The following TAFA2 variants were observed in gnomAD, a reference collection of about 807,000 sequenced individuals.
TAFA2 encodes chemokine-like protein TAFA-2.
Under a neutral mutation model 18.8 loss-of-function variants are expected in TAFA2, and 7 were observed. The observed-to-expected ratio is 0.37, with a 90% CI of 0.21 to 0.70. The LOEUF (loss-of-function observed/expected upper bound fraction) is 0.70, where lower values mean the gene tolerates loss of function less well. TAFA2 is among the 30% of genes least tolerant of loss of function. The pLI is 0.53. For missense variants in TAFA2, 122 were observed against 158.1 expected, an observed-to-expected ratio of 0.77 and a Z score of 1.23; for synonymous variants, 60 against 54.2, an observed-to-expected ratio of 1.11 and a Z score of -0.47.
intron 1 of TAFA2, among the ~76,000 whole-genome samples, chr12:61,910,999 G>A (rs923044801): frequency 6.6e-5 from 10 of 152,250 alleles, no homozygotes; most frequent in South Asian, 2.1e-4. Flanking sequence ...TTGCCTGCTC[G>A]TTCCCTGCAT....
intron 2 of TAFA2, among the ~76,000 whole-genome samples, chr12:61,762,036 G>A (rs939451538): frequency 1.3e-5 from 2 of 151,950 alleles, no homozygotes; most frequent in Admixed American, 6.6e-5. Flanking sequence ...CTCCCCCTTT[G>A]CCTACTACCA....
intron 2 of TAFA2, among the ~76,000 whole-genome samples, chr12:61,759,031 C>T (rs1436128576): frequency 1.3e-5 from 2 of 151,992 alleles, no homozygotes; most frequent in Non-Finnish European, 2.9e-5. Flanking sequence ...TGAGTTTCCC[C>T]TGATCTCTCC....
chr12:62,248,553 T>C (rs1308860863), intron 1 of TAFA2, among the ~76,000 whole-genome samples: 2 of 152,148 alleles, frequency 1.3e-5, no homozygotes, highest in Non-Finnish European at 2.9e-5. Context: ...GCAAGAACAC[T>C]TAACATGAGA....
At chr12:61,845,507 C>A (rs776048678) in intron 2 of TAFA2, among the ~76,000 whole-genome samples, 2 of 152,138 alleles carry the variant, frequency 1.3e-5, no homozygotes, top group Admixed American at 1.3e-4. Flanking sequence ...GCATCATGGA[C>A]GATTGTGGCT....
intron 1 of TAFA2, among the ~76,000 whole-genome samples, chr12:61,973,762 G>A (rs1033087697): frequency 2.0e-4 from 30 of 151,626 alleles, no homozygotes; most frequent in African/African-American, 6.8e-4. Flanking sequence ...AGAACCACCT[G>A]GGAAATTCTG....
At chr12:62,134,534 G>T (rs1870819176) in intron 1 of TAFA2, among the ~76,000 whole-genome samples, 1 of 152,000 alleles carries the variant, frequency 6.6e-6, no homozygotes, top group Non-Finnish European at 1.5e-5. Flanking sequence ...AAGAAAAAAT[G>T]GTTGTTTAAG....
chr12:61,880,787 C>A, intron 1 of TAFA2: 1 of 349,758 alleles, frequency 2.9e-6, no homozygotes, highest in South Asian at 2.7e-5. Flanking sequence ...CCATGGCAGC[C>A]CCTCCCACCC....
intron 1 of TAFA2, among the ~76,000 whole-genome samples, chr12:62,117,372 C>A (rs984092734): frequency 2.0e-5 from 3 of 151,932 alleles, no homozygotes; most frequent in Non-Finnish European, 4.4e-5. Flanking sequence ...TTTTGCTATT[C>A]TAGAATGCTT....
At chr12:61,877,882 T>C (rs2121260629) in intron 1 of TAFA2, among the ~76,000 whole-genome samples, 1 of 150,068 alleles carries the variant, frequency 6.7e-6, no homozygotes, top group East Asian at 2.0e-4. Flanking sequence ...ATAGGGTGAA[T>C]GGATAAACAA....
intron 1 of TAFA2, among the ~76,000 whole-genome samples, chr12:61,924,284 T>C: frequency 6.6e-6 from 1 of 152,020 alleles, no homozygotes; most frequent in South Asian, 2.1e-4. Context: ...AGACACGTAA[T>C]CGTCAGATTC....
intron 1 of TAFA2, among the ~76,000 whole-genome samples, chr12:62,033,684 T>TTA (rs144821417): frequency 6.4e-4 from 97 of 151,232 alleles, no homozygotes; most frequent in African/African-American, 1.9e-3. Flanking sequence ...CATAAACATG[T>TTA]TATATATATA....
chr12:61,950,767 C>G (rs1878438003), intron 1 of TAFA2, among the ~76,000 whole-genome samples: 1 of 152,052 alleles, frequency 6.6e-6, no homozygotes, highest in African/African-American at 2.4e-5. Flanking sequence ...AAGTCTAAGT[C>G]TGTTTCTTCT....
chr12:61,878,077 C>A (rs771625539), intron 1 of TAFA2: 1 of 455,392 alleles, frequency 2.2e-6, no homozygotes, highest in Non-Finnish European at 4.4e-6. Flanking sequence ...GTCCTACTTA[C>A]ATGAGAGATA....
At position 61,813,481 on chromosome 12, in the gene TAFA2, T is replaced by C. The variant is rs371221975; in HGVS notation, c.106+53839A>G. 3.3e-5 allele frequency among the ~76,000 whole-genome samples: 5 copies of C among 151,462 alleles called. No individual in the cohort carries two copies. In the East Asian group the frequency reaches 9.6e-4, roughly 29 times the overall value. On this transcript the variant is annotated intron_variant, in intron 2 of 4. Transcript: ENST00000416284. The stretch of plus-strand genomic sequence containing the variant: ...TCTGTCATACAAGATCTCTCAATAT[T>C]CAGATAAGCAAATCTACCAATTCTC...
At chr12:61,845,901 T>C (rs1873384852) in intron 2 of TAFA2, among the ~76,000 whole-genome samples, 1 of 152,120 alleles carries the variant, frequency 6.6e-6, no homozygotes. Context: ...AATATAAAAA[T>C]GGTTTCCTAA....
chr12:61,988,649 C>T (rs1879896560), intron 1 of TAFA2, among the ~76,000 whole-genome samples: 1 of 152,136 alleles, frequency 6.6e-6, no homozygotes, highest in Non-Finnish European at 1.5e-5. Context: ...ATCAAAGGGA[C>T]ATATAATTAA....
chr12:62,191,129 C>T (rs1445199302), intron 1 of TAFA2, 130 bp downstream of exon 1: 1 of 151,838 alleles, frequency 6.6e-6, no homozygotes, highest in East Asian at 2.0e-4. Context: ...GGCGATCCCT[C>T]TACAGTCCCG....
At chr12:61,738,211 G>C (rs1340753796) in intron 4 of TAFA2, among the ~76,000 whole-genome samples, 1 of 151,184 alleles carries the variant, frequency 6.6e-6, no homozygotes, top group African/African-American at 2.4e-5. Flanking sequence ...AGTCTTTCCT[G>C]CTGCAACAAC....
At position 62,213,136 on chromosome 12, in the gene TAFA2, T is replaced by G. The variant is rs190652372; in HGVS notation, c.-130+45627A>C. Among the ~76,000 whole-genome samples the G allele has an allele frequency of 1.1e-3, 162 of 152,290 alleles. 1 individual carries two copies. Among genetic ancestry groups the G allele is most frequent in the Non-Finnish European group, 1.6e-3 (111 of 68,034 alleles). On this transcript the variant is annotated intron_variant, in intron 1 of 5. Transcript: ENST00000551619. ...TGGATTTACACCAGGCAGCTGCTCA[T>G]ATACCCCACCACGGTTCATTCCCTT...
Sources: allele counts gnomAD v4.1 joint callset (sites outside exome capture counted in the v4.1 genomes callset), GRCh38; gene constraint gnomAD v4.1.1; transcripts MANE v1.5; gene names NCBI Gene and HGNC (gene_info 2026-07-23, HGNC 2026-07-21).